The following NAV2 variants were observed in gnomAD, a reference collection of about 807,000 sequenced individuals.
NAV2 encodes the protein helicase, APC down-regulated 1.
Under a neutral mutation model 223.2 loss-of-function variants are expected in NAV2, and 54 were observed. That is an observed-to-expected ratio of 0.24 (90% confidence interval 0.19 to 0.30). The LOEUF is 0.30. Among genes scored for constraint, NAV2 ranks in the 10% least tolerant of loss-of-function variants. NAV2 has a pLI of 1.00. For synonymous variants in NAV2, 1,279 were observed against 1,239.3 expected, an observed-to-expected ratio of 1.03 and a Z score of -0.67; for missense variants, 2,806 against 3,147.5, an observed-to-expected ratio of 0.89 and a Z score of 2.60.
chr11:19,589,521 C>T (rs1320298586), intron 1 of NAV2, among the ~76,000 whole-genome samples: 2 of 152,082 alleles, frequency 1.3e-5, no homozygotes, highest in Admixed American at 6.5e-5. Context: ...GCTGACAAAG[C>T]GGGAAAGGGA....
At chr11:19,798,586 G>A (rs1333603645) in intron 1 of NAV2, among the ~76,000 whole-genome samples, 1 of 152,154 alleles carries the variant, frequency 6.6e-6, no homozygotes, top group Non-Finnish European at 1.5e-5. Flanking sequence ...TTCTGACTGT[G>A]GATAAAGTAC....
intron 1 of NAV2, among the ~76,000 whole-genome samples, chr11:19,412,721 G>A (rs1034759518): frequency 1.3e-5 from 2 of 152,204 alleles, no homozygotes; most frequent in Non-Finnish European, 2.9e-5. Flanking sequence ...AGCTTCCAAA[G>A]GAAGAAACAG....
chr11:19,369,191 T>A (rs528165261), intron 1 of NAV2, among the ~76,000 whole-genome samples: 1 of 152,200 alleles, frequency 6.6e-6, no homozygotes, highest in Non-Finnish European at 1.5e-5. Context: ...GAGGCTCGCA[T>A]ATGTTTTTGA....
At chr11:19,510,921 A>T (rs931755062) in intron 1 of NAV2, 1 of 152,052 alleles carries the variant, frequency 6.6e-6, no homozygotes, top group Admixed American at 6.5e-5. Flanking sequence ...TTATTTATAA[A>T]CTCAAAAAGG....
chr11:19,794,219 C>T (rs993535449), intron 1 of NAV2, among the ~76,000 whole-genome samples: 1 of 152,180 alleles, frequency 6.6e-6, no homozygotes, highest in Non-Finnish European at 1.5e-5. Flanking sequence ...TGAAAAGGAA[C>T]GCCTGTGCTC....
intron 5 of NAV2, among the ~76,000 whole-genome samples, chr11:19,888,263 G>A (rs1326329873): frequency 2.0e-5 from 3 of 152,166 alleles, no homozygotes; most frequent in Non-Finnish European, 4.4e-5. Flanking sequence ...AGGAGCTATT[G>A]GGACTTTCTG....
At chr11:19,537,792 C>A (rs967950833) in intron 1 of NAV2, among the ~76,000 whole-genome samples, 12 of 152,200 alleles carry the variant, frequency 7.9e-5, no homozygotes, top group Non-Finnish European at 1.6e-4. Context: ...TGCTCTGCTA[C>A]TTTATTGTGA....
intron 1 of NAV2, among the ~76,000 whole-genome samples, chr11:19,780,984 T>A (rs1353809582): frequency 6.6e-6 from 1 of 152,254 alleles, no homozygotes. Context: ...AAAGATTTTT[T>A]AAATTACTGC....
At chr11:19,776,353 G>T (rs925437348) in intron 1 of NAV2, among the ~76,000 whole-genome samples, 1 of 152,180 alleles carries the variant, frequency 6.6e-6, no homozygotes, top group Non-Finnish European at 1.5e-5. Context: ...AGTCCTCAAA[G>T]GAAGGCACCC....
chr11:19,685,824 G>C (rs1313392021), intron 1 of NAV2, among the ~76,000 whole-genome samples: 1 of 152,084 alleles, frequency 6.6e-6, no homozygotes, highest in Non-Finnish European at 1.5e-5. Context: ...TCTGGTCCTG[G>C]GAATGGTGTG....
intron 1 of NAV2, among the ~76,000 whole-genome samples, chr11:19,446,614 G>A (rs758051717): frequency 6.6e-6 from 1 of 152,126 alleles, no homozygotes; most frequent in Non-Finnish European, 1.5e-5. Flanking sequence ...TGCTTTAGGG[G>A]ATTCGATAAC....
chr11:19,568,383 G>A (rs1008042605), intron 1 of NAV2, among the ~76,000 whole-genome samples: 1 of 152,222 alleles, frequency 6.6e-6, no homozygotes, highest in Non-Finnish European at 1.5e-5. Flanking sequence ...GAATCAATGT[G>A]AAGCCTGGGA....
chr11:19,606,025 T>G (rs2046468836), intron 1 of NAV2, among the ~76,000 whole-genome samples: 1 of 152,200 alleles, frequency 6.6e-6, no homozygotes, highest in Non-Finnish European at 1.5e-5. Context: ...GGGTCTGCAT[T>G]CAAGACTGGT....
At chr11:19,469,736 T>G (rs2133922713) in intron 1 of NAV2, among the ~76,000 whole-genome samples, 1 of 152,292 alleles carries the variant, frequency 6.6e-6, no homozygotes, top group African/African-American at 2.4e-5. Context: ...GGCTATGATA[T>G]TTTCTGGCTA....
At chr11:19,609,792 C>T (rs1246251867) in intron 1 of NAV2, among the ~76,000 whole-genome samples, 1 of 152,214 alleles carries the variant, frequency 6.6e-6, no homozygotes, top group Non-Finnish European at 1.5e-5. Context: ...CTACTCTACA[C>T]TCAAAGCTTG....
rs138115924 is a variant in NAV2, at chr11:20,095,761, G to C, written c.6006G>C (p.Leu2002=). ...WDVLDGVVRR[L]FKEYIIHVDP... is the part of the protein sequence containing the mutation. Reference sequence around the variant, plus strand: ...TGCTCGATGGGGTGGTTAGACGGCTGTTCAAAGTAAGTGTTTCAAGACAAC... The same window carrying C: ...TGCTCGATGGGGTGGTTAGACGGCTCTTCAAAGTAAGTGTTTCAAGACAAC... Residue 2002 remains leucine (L), a synonymous_variant, in exon 30 of 38, where the codon CTG becomes CTC. Coordinates refer to ENST00000349880, the MANE Select transcript of NAV2 (RefSeq NM_145117.5). 3.6e-5 allele frequency: 58 copies of C among 1,613,136 alleles called. No individual in the cohort carries two copies. Among genetic ancestry groups the C allele is most frequent in the Non-Finnish European group, 1.7e-5 (20 of 1,179,188 alleles).
chr11:19,636,027 C>T (rs2047488829), intron 1 of NAV2, among the ~76,000 whole-genome samples: 1 of 152,148 alleles, frequency 6.6e-6, no homozygotes, highest in African/African-American at 2.4e-5. Flanking sequence ...GGCTAAGTGA[C>T]CATTATGCTC....
At chr11:19,809,629 T>A (rs1376608729) in intron 1 of NAV2, among the ~76,000 whole-genome samples, 3 of 152,242 alleles carry the variant, frequency 2.0e-5, no homozygotes, top group Non-Finnish European at 4.4e-5. Flanking sequence ...GACCTTTATC[T>A]GTTTCAGGAT....
At chr11:19,919,829 T>A (rs1036516179) in intron 6 of NAV2, among the ~76,000 whole-genome samples, 1 of 152,084 alleles carries the variant, frequency 6.6e-6, no homozygotes. Flanking sequence ...TTTAATAAAG[T>A]CCATTGATTA....
Sources: allele counts gnomAD v4.1 joint callset (sites outside exome capture counted in the v4.1 genomes callset), GRCh38; gene constraint gnomAD v4.1.1; transcripts MANE v1.5; gene names NCBI Gene and HGNC (gene_info 2026-07-23, HGNC 2026-07-21).